Variants in ADAM17 observed in about 807,000 individuals in gnomAD.
ADAM17 encodes disintegrin and metalloproteinase domain-containing protein 17.
In ADAM17, 39 loss-of-function variants were observed where a neutral mutation model predicts 96.7. The ratio of observed to expected loss-of-function variants is 0.40; its 90% CI spans 0.31 to 0.53. The LOEUF (loss-of-function observed/expected upper bound fraction) is 0.53. Among genes scored for constraint, ADAM17 ranks in the 20% least tolerant of loss-of-function variants. ADAM17 has a pLI of 0.44. For missense variants in ADAM17, 777 were observed against 1,013.2 expected, an observed-to-expected ratio of 0.77 and a Z score of 3.17; for synonymous variants, 344 against 359.2, an observed-to-expected ratio of 0.96 and a Z score of 0.48.
In ADAM17 at chr2:9,490,627, T is replaced by C. The variant is rs189903062; in HGVS notation, c.2134-109A>G. On this transcript the variant is annotated intron_variant, in intron 18 of 18. Transcript: ENST00000310823. ...GCCTCTTATTCTGTTGGCACTGTGATGCTAAGAAAAAAGTGCTAGGTGAGG... is the reference window on the plus strand; with the variant it reads ...GCCTCTTATTCTGTTGGCACTGTGACGCTAAGAAAAAAGTGCTAGGTGAGG... The C allele has an allele frequency of 3.4e-5, 41 of 1,215,998 alleles. No homozygotes were observed. The African/African-American group carries it at 4.3e-4, about 13-fold the overall frequency. 75.3% of individuals were successfully genotyped at this position (1,215,998 alleles called of 1,614,324 possible).
At position 9,489,807 on chromosome 2, in the gene ADAM17, C is replaced by A; in HGVS notation, c.*370G>T. 8.5e-6 allele frequency: 1 copy of A among 117,242 alleles called. No individual in the cohort carries two copies. Among genetic ancestry groups the A allele is most frequent in the South Asian group, 2.4e-4 (1 of 4,126 alleles). The allele number at this position is 117,242 out of a possible 1,614,324, so 7.3% of individuals were successfully genotyped here. A position where few individuals can be genotyped will look rare whatever the true frequency, so the allele number is the denominator to read the frequency against. On this transcript the variant is annotated 3_prime_UTR_variant, in exon 19 of 19. Coordinates refer to ENST00000310823, the MANE Select transcript of ADAM17 (RefSeq NM_003183.6). ...ATGCCTCATATTCAGCGGTTCATTA[C>A]AGTGTATAAAAAAAAACTGATCATT... is the stretch of plus-strand genomic sequence containing the variant.
At chr2:9,545,320 G>A (rs950527682) in intron 1 of ADAM17, among the ~76,000 whole-genome samples, 32 of 152,182 alleles carry the variant, frequency 2.1e-4, no homozygotes, top group African/African-American at 7.2e-4. Flanking sequence ...TGTAATCCCA[G>A]CACTTGGAGA....
chr2:9,527,278 C>T (rs1293339873), intron 5 of ADAM17, among the ~76,000 whole-genome samples: 2 of 138,226 alleles, frequency 1.4e-5, no homozygotes, highest in Admixed American at 7.2e-5. Context: ...GCCGAGATCG[C>T]GCTGCAAACA....
intron 8 of ADAM17, among the ~76,000 whole-genome samples, chr2:9,520,116 A>C (rs1664247030): frequency 6.6e-6 from 1 of 152,224 alleles, no homozygotes; most frequent in Non-Finnish European, 1.5e-5. Flanking sequence ...TGAGACCCTA[A>C]ACAAGAATCC....
chr2:9,517,825 T>C, intron 10 of ADAM17, 76 bp downstream of exon 10: 1 of 969,268 alleles, frequency 1.0e-6, no homozygotes, highest in Non-Finnish European at 1.4e-6. Context: ...TTTAAAAAAA[T>C]ACCTACATAA....
intron 7 of ADAM17, chr2:9,522,170 A>G (rs2125022152): frequency 2.8e-6 from 1 of 361,766 alleles, no homozygotes. Flanking sequence ...AAACAAGTGA[A>G]GCAGCTTTAC....
intron 13 of ADAM17, among the ~76,000 whole-genome samples, chr2:9,500,488 C>T (rs934112132): frequency 1.3e-5 from 2 of 152,116 alleles, no homozygotes; most frequent in African/African-American, 4.8e-5. Context: ...ATTGTGATGA[C>T]TGCATAAATC....
intron 4 of ADAM17, among the ~76,000 whole-genome samples, chr2:9,534,108 G>A (rs940979858): frequency 6.6e-6 from 1 of 152,162 alleles, no homozygotes; most frequent in Non-Finnish European, 1.5e-5. Flanking sequence ...AGTGGCTCAC[G>A]CCTATAATCC....
chr2:9,539,989 A>G (rs1056321671), intron 2 of ADAM17, among the ~76,000 whole-genome samples: 3 of 152,032 alleles, frequency 2.0e-5, no homozygotes, highest in East Asian at 3.9e-4. Flanking sequence ...GAAACTTTGT[A>G]AAATAAATTA....
chr2:9,513,593 AGGGG>A (rs1663862647), intron 10 of ADAM17, among the ~76,000 whole-genome samples: 2 of 152,214 alleles, frequency 1.3e-5, no homozygotes, highest in African/African-American at 4.8e-5. Context: ...CTTGATATGT[AGGGG>A]GAAATCCCCA....
In ADAM17 at chr2:9,505,268, G is replaced by C; in HGVS notation, c.1442C>G (p.Ser481Trp). Reference protein sequence around the residue: ...QERSNKVCGNSRVDEGEECDP... With the variant: ...QERSNKVCGNWRVDEGEECDP... ...ACACTCTTCTCCTTCATCCACCCTCGAGTTCCCACAAACTTTATTGCTGCG... is the reference window on the plus strand; with the variant it reads ...ACACTCTTCTCCTTCATCCACCCTCCAGTTCCCACAAACTTTATTGCTGCG... The change falls in exon 12 of 19, where the codon TCG becomes TGG. Residue 481 changes from serine to tryptophan, a missense_variant. Ser to Trp is a radical substitution (Grantham distance 177). Transcript: ENST00000310823. The C allele has an allele frequency of 6.2e-7, 1 of 1,614,032 alleles. No individual in the cohort carries two copies. Among genetic ancestry groups the C allele is most frequent in the African/African-American group, 1.3e-5 (1 of 75,004 alleles).
intron 12 of ADAM17, among the ~76,000 whole-genome samples, chr2:9,502,879 CAAAA>C: frequency 2.3e-5 from 1 of 43,604 alleles, no homozygotes; most frequent in South Asian, 1.1e-3. Flanking sequence ...AATTCTGTCT[CAAAA>C]AAAAAAAAAA....
At chr2:9,522,376 G>C (rs1010172929) in intron 7 of ADAM17, 6 of 557,236 alleles carry the variant, frequency 1.1e-5, no homozygotes, top group Admixed American at 5.5e-5. Context: ...CAATAAACAG[G>C]CTGCAGAGAC....
chr2:9,530,179 G>A (rs1664681923), intron 4 of ADAM17, among the ~76,000 whole-genome samples: 1 of 152,110 alleles, frequency 6.6e-6, no homozygotes, highest in South Asian at 2.1e-4. Context: ...CCAACTTCCG[G>A]GCTACAGGAA....
chr2:9,527,772 T>G lies in ADAM17; in HGVS notation c.619+14A>C, dbSNP rs1664586125. Reference sequence around the variant, plus strand: ...TGTTTGTTTCTTATTTGAAATACACTCTTTAAGTCTTACCTTCAGGTGGTT... The same window carrying G: ...TGTTTGTTTCTTATTTGAAATACACGCTTTAAGTCTTACCTTCAGGTGGTT... On this transcript the variant is annotated intron_variant, in intron 5 of 18. Coordinates refer to ENST00000310823, the MANE Select transcript of ADAM17 (RefSeq NM_003183.6). 5 of 1,504,134 alleles carry G rather than the reference T, an allele frequency of 3.3e-6. No homozygotes were observed. In the East Asian group the frequency reaches 1.2e-4, roughly 37 times the overall value. The allele number at this position is 1,504,134 out of a possible 1,614,324, so 93.2% of individuals were successfully genotyped here.
At chr2:9,505,076 G>A in intron 12 of ADAM17, 90 bp downstream of exon 12, 1 of 1,382,386 alleles carries the variant, frequency 7.2e-7, no homozygotes, top group Non-Finnish European at 1.0e-6. Context: ...CCTTTCAGTT[G>A]ATTCTAAAGC....
chr2:9,531,472 C>G (rs111894159), intron 4 of ADAM17, among the ~76,000 whole-genome samples: 1 of 150,876 alleles, frequency 6.6e-6, no homozygotes, highest in African/African-American at 2.4e-5. Context: ...GAGGCCGACG[C>G]GGGTGGATCA....
intron 10 of ADAM17, among the ~76,000 whole-genome samples, chr2:9,514,025 GAAAAGAAA>G (rs1257240831): frequency 2.6e-4 from 38 of 144,138 alleles, no homozygotes; most frequent in African/African-American, 9.4e-4. Flanking sequence ...AAAAAAAAAA[GAAAAGAAA>G]AAAAGAAATT....
At chr2:9,494,539 C>T (rs1662412847) in intron 15 of ADAM17, 98 bp downstream of exon 15, 2 of 1,415,968 alleles carry the variant, frequency 1.4e-6, no homozygotes, top group Admixed American at 1.9e-5. Flanking sequence ...TGTAGCCCCA[C>T]TTGTGTTTTG....
Sources: gnomAD v4.1 joint callset for allele counts (sites outside exome capture counted in the v4.1 genomes callset) on GRCh38, gnomAD v4.1.1 for gene constraint, MANE v1.5 for transcripts, NCBI Gene and HGNC (gene_info 2026-07-23, HGNC 2026-07-21) for gene names.